The following ARHGAP26 variants were observed in gnomAD, a reference collection of about 807,000 sequenced individuals.
ARHGAP26 encodes rho GTPase-activating protein 26.
In ARHGAP26, 38 loss-of-function variants were observed where a neutral mutation model predicts 104.8. The observed-to-expected ratio is 0.36, with a 90% CI of 0.28 to 0.48. ARHGAP26 has a LOEUF of 0.48. Among genes scored for constraint, ARHGAP26 ranks in the 20% least tolerant of loss-of-function variants. The pLI, the probability that ARHGAP26 is intolerant of heterozygous loss-of-function variation, is 0.99. For missense variants in ARHGAP26, 704 were observed against 947.9 expected (o/e 0.74, Z 3.38); for synonymous variants, 341 against 340.0 (o/e 1.00, Z -0.03).
intron 1 of ARHGAP26, among the ~76,000 whole-genome samples, chr5:142,830,738 G>A (rs1174033533): frequency 2.0e-5 from 3 of 152,142 alleles, no homozygotes; most frequent in Admixed American, 6.5e-5. Flanking sequence ...CACAAAATAT[G>A]TAGCCTCTGG....
intron 21 of ARHGAP26, among the ~76,000 whole-genome samples, chr5:143,209,492 C>T (rs1490805609): frequency 1.3e-5 from 2 of 152,098 alleles, no homozygotes; most frequent in East Asian, 3.9e-4. Context: ...TTGAAATAGT[C>T]AAGGCAGGCC....
chr5:143,131,129 T>C (rs1321604498), intron 18 of ARHGAP26, among the ~76,000 whole-genome samples: 1 of 152,204 alleles, frequency 6.6e-6, no homozygotes, highest in Non-Finnish European at 1.5e-5. Flanking sequence ...AGGAAACAGC[T>C]GATGAGCAGA....
intron 1 of ARHGAP26, 105 bp from the exon 2 acceptor site, chr5:142,873,294 CA>C: frequency 1.3e-6 from 1 of 749,150 alleles, no homozygotes. Flanking sequence ...GACTCAGGAA[CA>C]AATCCGCCTC....
At chr5:142,874,861 AG>A (rs1755858222) in intron 2 of ARHGAP26, 1 of 473,634 alleles carries the variant, frequency 2.1e-6, no homozygotes, top group Admixed American at 3.4e-5. Context: ...GGATACTCTC[AG>A]GAACAGGCAG....
At chr5:143,033,457 T>A (rs1248523390) in intron 12 of ARHGAP26, among the ~76,000 whole-genome samples, 1 of 152,212 alleles carries the variant, frequency 6.6e-6, no homozygotes, top group African/African-American at 2.4e-5. Flanking sequence ...TAGAAAAGGA[T>A]GCACTTCCTA....
chr5:143,072,766 G>A (rs570248656), intron 17 of ARHGAP26, among the ~76,000 whole-genome samples: 7 of 152,314 alleles, frequency 4.6e-5, no homozygotes, highest in African/African-American at 1.7e-4. Flanking sequence ...CTAGAGACTG[G>A]TAAGAGTAGG....
chr5:142,936,146 C>CACACACACACACA (rs1255246557), intron 11 of ARHGAP26, among the ~76,000 whole-genome samples: 4 of 148,862 alleles, frequency 2.7e-5, no homozygotes, highest in African/African-American at 9.8e-5. Flanking sequence ...CACACACACA[C>CACACACACACACA]CCCTTCTATA....
chr5:142,830,677 A>G (rs1245519449), intron 1 of ARHGAP26, among the ~76,000 whole-genome samples: 1 of 152,142 alleles, frequency 6.6e-6, no homozygotes, highest in African/African-American at 2.4e-5. Flanking sequence ...ATGGTTTTGT[A>G]TTTTTTCTCC....
chr5:142,864,444 T>C (rs1753901344), intron 1 of ARHGAP26, among the ~76,000 whole-genome samples: 1 of 152,260 alleles, frequency 6.6e-6, no homozygotes, highest in African/African-American at 2.4e-5. Context: ...ATCCGGGTTT[T>C]GCCTTGCCTT....
At chr5:143,013,841 G>A (rs571476009) in intron 11 of ARHGAP26, among the ~76,000 whole-genome samples, 1 of 152,066 alleles carries the variant, frequency 6.6e-6, no homozygotes, top group Non-Finnish European at 1.5e-5. Context: ...TTAAAAAGAG[G>A]GAATTTTTTT....
At position 142,963,163 on chromosome 5, in the gene ARHGAP26, G is replaced by GATATATATATATAT. The variant is rs1562163912; in HGVS notation, c.1107+31038_1107+31039insATATATATATATAT. Among the ~76,000 whole-genome samples, 272 of 112,162 alleles carry GATATATATATATAT rather than the reference G, an allele frequency of 2.4e-3. 12 individuals are homozygous for GATATATATATATAT. Among genetic ancestry groups the GATATATATATATAT allele is most frequent in the African/African-American group, 9.7e-3 (223 of 23,006 alleles). 73.6% of individuals were successfully genotyped at this position (112,162 alleles called of 152,430 possible). On this transcript the variant is annotated intron_variant, in intron 11 of 22. Coordinates refer to ENST00000645722, the MANE Select transcript of ARHGAP26 (RefSeq NM_001135608.3). ...TTTTTATGGCTGTGTAGTATTCCAT[G>GATATATATATATAT]GTATATATGTATATATATATATATA...
At chr5:143,107,747 G>A (rs775835426) in intron 17 of ARHGAP26, among the ~76,000 whole-genome samples, 2 of 152,132 alleles carry the variant, frequency 1.3e-5, no homozygotes, top group African/African-American at 4.8e-5. Context: ...TACCAGACAC[G>A]ATCTGCTCTT....
chr5:143,125,173 T>C (rs1181769773), intron 18 of ARHGAP26, among the ~76,000 whole-genome samples: 1 of 152,210 alleles, frequency 6.6e-6, no homozygotes, highest in Non-Finnish European at 1.5e-5. Context: ...TCTTTTTCAA[T>C]AGAAGGTAAG....
chr5:143,182,388 C>T (rs1383600321), intron 20 of ARHGAP26, among the ~76,000 whole-genome samples: 5 of 152,202 alleles, frequency 3.3e-5, no homozygotes, highest in East Asian at 1.9e-4. Flanking sequence ...TGTTCTTGCC[C>T]GGTATTTCAC....
intron 17 of ARHGAP26, among the ~76,000 whole-genome samples, chr5:143,062,245 G>A (rs1273960058): frequency 6.6e-6 from 1 of 152,208 alleles, no homozygotes; most frequent in African/African-American, 2.4e-5. Context: ...TTTAGCTGGT[G>A]GGAGGTAAGA....
chr5:143,146,302 A>G (rs981894523), intron 19 of ARHGAP26, among the ~76,000 whole-genome samples: 1 of 152,196 alleles, frequency 6.6e-6, no homozygotes, highest in African/African-American at 2.4e-5. Flanking sequence ...AAGAACATAA[A>G]GTTCTGTTCT....
intron 11 of ARHGAP26, among the ~76,000 whole-genome samples, chr5:143,001,831 A>G (rs1018646217): frequency 6.6e-6 from 1 of 152,234 alleles, no homozygotes; most frequent in African/African-American, 2.4e-5. Context: ...CAACAGAATA[A>G]AAGAGTGAAT....
chr5:143,221,578 A>G (rs1011782970), intron 22 of ARHGAP26, among the ~76,000 whole-genome samples: 1 of 152,126 alleles, frequency 6.6e-6, no homozygotes, highest in Non-Finnish European at 1.5e-5. Flanking sequence ...CAGTGGTGCA[A>G]TCACGGCTCA....
At chr5:143,044,569 G>C (rs1783951884) in intron 14 of ARHGAP26, among the ~76,000 whole-genome samples, 1 of 133,322 alleles carries the variant, frequency 7.5e-6, no homozygotes, top group Non-Finnish European at 1.6e-5. Flanking sequence ...TATGTTGGGG[G>C]ATGTGGGGGA....
Sources: gnomAD v4.1 joint callset for allele counts (sites outside exome capture counted in the v4.1 genomes callset) on GRCh38, gnomAD v4.1.1 for gene constraint, MANE v1.5 for transcripts, NCBI Gene and HGNC (gene_info 2026-07-23, HGNC 2026-07-21) for gene names.